The following FAM171B variants were observed in gnomAD, a reference collection of about 807,000 sequenced individuals.
The protein encoded by FAM171B is family with sequence similarity 171 member B.
FAM171B carries 19 observed loss-of-function variants against 75.6 expected under a neutral mutation model. The ratio of observed to expected loss-of-function variants is 0.25; its 90% confidence interval spans 0.18 to 0.37. The LOEUF (loss-of-function observed/expected upper bound fraction) is 0.37. Ranked by LOEUF, FAM171B falls within the 10% of genes least tolerant of loss-of-function variation. The probability of loss-of-function intolerance (pLI) is 1.00; values close to 1 mark genes in which losing one functional copy is unlikely to be tolerated. For synonymous variants in FAM171B, 367 were observed against 361.7 expected (o/e 1.01, Z -0.17); for missense variants, 848 against 982.4 (o/e 0.86, Z 1.83).
intron 1 of FAM171B, among the ~76,000 whole-genome samples, chr2:186,699,509 T>TTA (rs1689627710): frequency 6.6e-6 from 1 of 152,214 alleles, no homozygotes; most frequent in Admixed American, 6.5e-5. Flanking sequence ...TTTGAGTTCC[T>TTA]TATATATTCT....
chr2:186,720,599 TG>T (rs1442982002), intron 1 of FAM171B, among the ~76,000 whole-genome samples: 1 of 151,400 alleles, frequency 6.6e-6, no homozygotes, highest in African/African-American at 2.4e-5. Context: ...TTAAAAGTGC[TG>T]GATGGAAATC....
At chr2:186,756,071 TA>T (rs1484722014) in intron 6 of FAM171B, among the ~76,000 whole-genome samples, 4 of 152,230 alleles carry the variant, frequency 2.6e-5, no homozygotes, top group Non-Finnish European at 5.9e-5. Context: ...GTACTTACAC[TA>T]AAAATATATC....
intron 1 of FAM171B, among the ~76,000 whole-genome samples, chr2:186,711,184 ATACTT>A (rs1412043794): frequency 1.5e-4 from 23 of 152,214 alleles, no homozygotes; most frequent in Non-Finnish European, 4.4e-5. Context: ...TGCAAATAGC[ATACTT>A]TACTTATATT....
chr2:186,726,879 G>T (rs1371086607), intron 1 of FAM171B, among the ~76,000 whole-genome samples: 1 of 152,040 alleles, frequency 6.6e-6, no homozygotes, highest in Non-Finnish European at 1.5e-5. Context: ...GTCAACTGTG[G>T]GATTAAGCTT....
At chr2:186,720,509 C>T (rs570763460) in intron 1 of FAM171B, among the ~76,000 whole-genome samples, 1 of 152,140 alleles carries the variant, frequency 6.6e-6, no homozygotes, top group African/African-American at 2.4e-5. Flanking sequence ...CATTACCGTG[C>T]TTATACAAAT....
chr2:186,714,116 A>G (rs1689844621), intron 1 of FAM171B, among the ~76,000 whole-genome samples: 1 of 64,256 alleles, frequency 1.6e-5, no homozygotes, highest in African/African-American at 4.1e-5. Context: ...CTGTCAGCAG[A>G]TGAAATTTTT....
At position 186,754,107 on chromosome 2, in the gene FAM171B, G is replaced by A. The variant is rs531687623; in HGVS notation, c.1012+58G>A. The A allele has an allele frequency of 3.1e-6, 4 of 1,281,180 alleles. No homozygotes were observed. The South Asian group carries it at 5.6e-5, about 18-fold the overall frequency. The allele number at this position is 1,281,180 out of a possible 1,614,324, so 79.4% of individuals were successfully genotyped here. ...TAATTCAAATAGTCTTGCTGGAACG[G>A]ATAGCAGCAGACCTCAGTTTTATTC... On this transcript the variant is annotated intron_variant, in intron 6 of 7. Coordinates refer to ENST00000304698, the MANE Select transcript of FAM171B (RefSeq NM_177454.4).
intron 1 of FAM171B, among the ~76,000 whole-genome samples, chr2:186,738,814 G>A (rs1690244394): frequency 6.6e-6 from 1 of 151,960 alleles, no homozygotes; most frequent in Admixed American, 6.6e-5. Context: ...TTAATTGATA[G>A]GAAAAAATGG....
At chr2:186,723,673 T>C (rs1297868756) in intron 1 of FAM171B, among the ~76,000 whole-genome samples, 2 of 152,226 alleles carry the variant, frequency 1.3e-5, no homozygotes, top group Non-Finnish European at 2.9e-5. Flanking sequence ...GTATATTTAC[T>C]GAAGAAGTTG....
intron 1 of FAM171B, among the ~76,000 whole-genome samples, chr2:186,729,811 A>T (rs139535600): frequency 3.9e-4 from 60 of 152,298 alleles, no homozygotes; most frequent in African/African-American, 1.4e-3. Context: ...TGAGAAAATA[A>T]GTTAGTAAAT....
chr2:186,762,547 C>A lies in FAM171B; in HGVS notation c.2205C>A (p.Ile735=). 1 of 1,613,562 alleles carries A rather than the reference C, an allele frequency of 6.2e-7. No homozygotes were observed. The change falls in exon 8 of 8, where the codon ATC becomes ATA. Residue 735 remains isoleucine, a synonymous_variant. Transcript: ENST00000304698. This position sits in a 1 kb window ranked among gnomAD's most constrained non-coding sequence, Gnocchi z 4.0. ...TFIKSMHQPK[I]LYLEDLDLSS... ...TCAAAAGCATGCATCAGCCCAAGAT[C>A]CTTTACTTAGAAGATTTAGACCTAA...
intron 1 of FAM171B, among the ~76,000 whole-genome samples, chr2:186,718,422 G>A: frequency 1.3e-5 from 2 of 151,888 alleles, no homozygotes; most frequent in East Asian, 3.9e-4. Context: ...TCTTTCTGAT[G>A]TACCCTTGAC....
At chr2:186,731,495 TGGC>T (rs1445427988) in intron 1 of FAM171B, among the ~76,000 whole-genome samples, 12 of 152,340 alleles carry the variant, frequency 7.9e-5, no homozygotes, top group African/African-American at 2.9e-4. Flanking sequence ...TTTATGCTAG[TGGC>T]TCGGTAAATT....
intron 1 of FAM171B, among the ~76,000 whole-genome samples, chr2:186,736,190 C>T (rs1320289853): frequency 6.6e-6 from 1 of 152,186 alleles, no homozygotes; most frequent in African/African-American, 2.4e-5. Context: ...CCCATCTTCA[C>T]ACTCTAAACT....
intron 1 of FAM171B, among the ~76,000 whole-genome samples, chr2:186,734,519 C>G (rs139579526): frequency 6.6e-6 from 1 of 151,324 alleles, no homozygotes; most frequent in Non-Finnish European, 1.5e-5. Flanking sequence ...AGGTGAGAGG[C>G]GATCCAGAGT....
intron 1 of FAM171B, among the ~76,000 whole-genome samples, chr2:186,727,457 G>GT (rs1030692821): frequency 1.3e-5 from 2 of 152,226 alleles, no homozygotes; most frequent in Non-Finnish European, 2.9e-5. Context: ...TTATGAGACA[G>GT]TGTAGAACAG....
chr2:186,700,517 T>C (rs1689641686), intron 1 of FAM171B, among the ~76,000 whole-genome samples: 1 of 152,188 alleles, frequency 6.6e-6, no homozygotes. Context: ...TGTGTCCAGC[T>C]TCTTCAGCTT....
intron 4 of FAM171B, 105 bp downstream of exon 4, chr2:186,747,355 A>G (rs1328156613): frequency 3.4e-6 from 2 of 592,134 alleles, no homozygotes; most frequent in Non-Finnish European, 5.0e-6. Context: ...TAAGCTATGG[A>G]TAATACACAT....
chr2:186,736,365 T>C (rs979769002), intron 1 of FAM171B, among the ~76,000 whole-genome samples: 1 of 152,196 alleles, frequency 6.6e-6, no homozygotes, highest in Admixed American at 6.5e-5. Flanking sequence ...GTTACCAATA[T>C]GTATAAAATA....
Sources: gnomAD v4.1 joint callset for allele counts (sites outside exome capture counted in the v4.1 genomes callset) on GRCh38, gnomAD v4.1.1 for gene constraint, Gnocchi (gnomAD v3.1) non-coding constraint, MANE v1.5 for transcripts, NCBI Gene and HGNC (gene_info 2026-07-23, HGNC 2026-07-21) for gene names.